SEMA3C: variants seen among roughly 807,000 people sequenced by gnomAD.
The protein encoded by SEMA3C is semaphorin-3C.
In SEMA3C, 47 loss-of-function variants were observed where a neutral mutation model predicts 89.4. The ratio of observed to expected loss-of-function variants is 0.53; its 90% CI spans 0.42 to 0.67. The LOEUF (loss-of-function observed/expected upper bound fraction) is 0.67. Ranked by LOEUF, SEMA3C falls within the 30% of genes least tolerant of loss-of-function variation. SEMA3C has a pLI of 0.00. For synonymous variants in SEMA3C, 310 were observed against 320.2 expected (o/e 0.97, Z 0.34); for missense variants, 839 against 929.1 (o/e 0.90, Z 1.26).
chr7:80,907,553 G>A (rs776780712), intron 2 of SEMA3C, among the ~76,000 whole-genome samples: 5 of 151,990 alleles, frequency 3.3e-5, no homozygotes, highest in Admixed American at 6.6e-5. Context: ...GGCTTTTGAT[G>A]CCAGAAAGAT....
intron 11 of SEMA3C, among the ~76,000 whole-genome samples, chr7:80,796,837 A>G (rs2115634325): frequency 6.6e-6 from 1 of 152,302 alleles, no homozygotes; most frequent in African/African-American, 2.4e-5. Context: ...CAGGAACAAA[A>G]CTTAAGCTTT....
In SEMA3C at chr7:80,896,970, A is replaced by AGT. The variant is rs539187104; in HGVS notation, c.103+19707_103+19708dup. Among the ~76,000 whole-genome samples, 337 of 152,236 alleles carry AGT rather than the reference A, an allele frequency of 2.2e-3. 2 individuals carry two copies. Among genetic ancestry groups the AGT allele is most frequent in the African/African-American group, 7.6e-3 (314 of 41,526 alleles). On this transcript the variant is annotated intron_variant, in intron 2 of 17. Transcript: ENST00000265361. ...CTCAAAAGAAAGGAAACCCGGTGAC[A>AGT]GTGTGTGGCAGGGTAGCAAGACTTG...
intron 2 of SEMA3C, among the ~76,000 whole-genome samples, chr7:80,894,280 T>C (rs1426325131): frequency 6.6e-6 from 1 of 152,088 alleles, no homozygotes; most frequent in Non-Finnish European, 1.5e-5. Flanking sequence ...ACACAGTAAG[T>C]TAGATCTGTA....
intron 12 of SEMA3C, among the ~76,000 whole-genome samples, chr7:80,767,459 T>C (rs1366111820): frequency 6.6e-6 from 1 of 152,220 alleles, no homozygotes; most frequent in Non-Finnish European, 1.5e-5. Flanking sequence ...GTAAACATTA[T>C]GCATATAATC....
rs1413932867 is a variant in SEMA3C at position 80,909,332 on chromosome 7, C to A, written c.103+7347G>T. Among the ~76,000 whole-genome samples, 3 of 151,960 alleles carry A rather than the reference C, an allele frequency of 2.0e-5. No individual in the cohort carries two copies. The East Asian group carries it at 5.8e-4, about 29-fold the overall frequency. On this transcript the variant is annotated intron_variant, in intron 2 of 17. Coordinates refer to ENST00000265361, the MANE Select transcript of SEMA3C (RefSeq NM_006379.5). ...CTGTAAAATTACATTGCTGTAACTCCCTGAGTTTATCTATTCCATATAGAC... is the reference window on the plus strand; with the variant it reads ...CTGTAAAATTACATTGCTGTAACTCACTGAGTTTATCTATTCCATATAGAC...
chr7:80,908,686 G>A (rs1012740041), intron 2 of SEMA3C, among the ~76,000 whole-genome samples: 1 of 152,060 alleles, frequency 6.6e-6, no homozygotes, highest in African/African-American at 2.4e-5. Context: ...TTTGCGGGTT[G>A]CTATTCAACA....
intron 2 of SEMA3C, among the ~76,000 whole-genome samples, chr7:80,887,546 T>C (rs1057228643): frequency 2.6e-5 from 4 of 152,188 alleles, no homozygotes; most frequent in African/African-American, 9.6e-5. Context: ...GTAGTATGTC[T>C]AACAAATTAC....
At chr7:80,776,523 A>G (rs1423991550) in intron 12 of SEMA3C, among the ~76,000 whole-genome samples, 1 of 152,186 alleles carries the variant, frequency 6.6e-6, no homozygotes, top group Non-Finnish European at 1.5e-5. Context: ...AATTCTACAG[A>G]TTATAACTAA....
Position 80,918,917 on chromosome 7 carries a change from T to C in SEMA3C, c.-128A>G, listed in dbSNP as rs1792342883. The C allele has an allele frequency of 1.0e-6, 1 of 985,470 alleles. No individual in the cohort carries two copies. Among genetic ancestry groups the C allele is most frequent in the Non-Finnish European group, 1.2e-6 (1 of 829,932 alleles). 61.0% of individuals were successfully genotyped at this position (985,470 alleles called of 1,614,324 possible). On this transcript the variant is annotated 5_prime_UTR_variant, in exon 1 of 18. Transcript: ENST00000265361. ...TCTCCAGTCCTTTTCCCAGACGACC[T>C]TATTTTCTAGCACGTCGCAAAGGTG...
At chr7:80,774,117 T>A (rs1788493992) in intron 12 of SEMA3C, among the ~76,000 whole-genome samples, 1 of 152,194 alleles carries the variant, frequency 6.6e-6, no homozygotes. Flanking sequence ...GTTTGAGTCC[T>A]GTAAAACTGG....
At chr7:80,785,008 A>AGTTCCTCTTTCCCTTCCTCC (rs2117099697) in intron 12 of SEMA3C, among the ~76,000 whole-genome samples, 2 of 152,136 alleles carry the variant, frequency 1.3e-5, no homozygotes, top group East Asian at 3.9e-4. Context: ...TTCCTTCCTT[A>AGTTCCTCTTTCCCTTCCTCC]CTTCCTCTTT....
At chr7:80,804,701 A>T (rs904788430) in intron 7 of SEMA3C, among the ~76,000 whole-genome samples, 7 of 152,284 alleles carry the variant, frequency 4.6e-5, no homozygotes, top group Non-Finnish European at 8.8e-5. Flanking sequence ...TCAAGGAAAA[A>T]CAGCGTCATT....
chr7:80,805,955 G>A (rs1473416327), intron 6 of SEMA3C, among the ~76,000 whole-genome samples, 197 bp from the exon 7 acceptor site: 1 of 151,884 alleles, frequency 6.6e-6, no homozygotes, highest in Non-Finnish European at 1.5e-5. Context: ...TTGCCTGAAT[G>A]ATAATTACTA....
chr7:80,748,985 A>AT lies in SEMA3C; in HGVS notation c.1754dup (p.Asn585LysfsTer2). 1.2e-6 allele frequency: 2 copies of AT among 1,613,234 alleles called. No homozygotes were observed. Among genetic ancestry groups the AT allele is most frequent in the South Asian group, 1.1e-5 (1 of 91,010 alleles). On this transcript the variant is annotated frameshift_variant, in exon 17 of 18. Transcript: ENST00000265361. LOFTEE classifies it high-confidence loss of function. ...GGGCACACTCCAGAAAAGTGGTGTT[A>AT]TTTTTTACTCCATACTGGACAATTT...
intron 5 of SEMA3C, among the ~76,000 whole-genome samples, chr7:80,815,554 C>CAAA (rs761990267): frequency 0.013 from 789 of 58,826 alleles, 22 homozygotes; most frequent in South Asian, 0.041. Flanking sequence ...TTTAAATGGG[C>CAAA]AAAAAAAAAA....
At chr7:80,870,298 C>T (rs1408264750) in intron 2 of SEMA3C, among the ~76,000 whole-genome samples, 3 of 151,966 alleles carry the variant, frequency 2.0e-5, no homozygotes, top group Admixed American at 1.3e-4. Flanking sequence ...TTGTCTGATG[C>T]CACCAATGAA....
At chr7:80,801,781 G>A (rs1409105852) in intron 9 of SEMA3C, among the ~76,000 whole-genome samples, 1 of 151,862 alleles carries the variant, frequency 6.6e-6, no homozygotes, top group Non-Finnish European at 1.5e-5. Context: ...ACATTCAGGG[G>A]AGTAGAATGA....
intron 2 of SEMA3C, among the ~76,000 whole-genome samples, chr7:80,834,455 G>C (rs1444338742): frequency 6.6e-6 from 1 of 152,022 alleles, no homozygotes; most frequent in Admixed American, 6.6e-5. Flanking sequence ...GAAGCTTCTG[G>C]AGCTACCTAA....
intron 2 of SEMA3C, among the ~76,000 whole-genome samples, chr7:80,845,349 A>G (rs964142202): frequency 2.0e-5 from 3 of 152,096 alleles, no homozygotes; most frequent in Admixed American, 2.0e-4. Context: ...GGTGGACATC[A>G]GTAAGCCAAC....
Sources: gnomAD v4.1 joint callset for allele counts (sites outside exome capture counted in the v4.1 genomes callset) on GRCh38, gnomAD v4.1.1 for gene constraint, MANE v1.5 for transcripts, NCBI Gene and HGNC (gene_info 2026-07-23, HGNC 2026-07-21) for gene names.